Variants in WNT9B observed in about 807,000 individuals in gnomAD.
WNT9B encodes Wnt family member 9B.
A neutral mutation model predicts 30.2 loss-of-function variants in WNT9B; 12 were observed. That is an observed-to-expected ratio of 0.40 (90% CI 0.26 to 0.64). The LOEUF is 0.64. Ranked by LOEUF, WNT9B falls within the 30% of genes least tolerant of loss-of-function variation. WNT9B has a pLI of 0.42. For missense variants in WNT9B, 442 were observed against 485.2 expected (o/e 0.91, Z 0.84); for synonymous variants, 218 against 216.9 (o/e 1.01, Z -0.05).
At chr17:46,846,043 A>G (rs1383571949) in intron 1 of WNT9B, among the ~76,000 whole-genome samples, 3 of 151,774 alleles carry the variant, frequency 2.0e-5, no homozygotes, top group Non-Finnish European at 2.9e-5. Context: ...CACCCACTTC[A>G]GCCTCCCAAA....
At position 46,872,900 on chromosome 17, in the gene WNT9B, T is replaced by C. The variant is rs539921377; in HGVS notation, c.334+127T>C. On this transcript the variant is annotated intron_variant, in intron 2 of 3. Coordinates refer to ENST00000290015, the MANE Select transcript of WNT9B (RefSeq NM_003396.3). ...CCAGGCCACACTGCCCTTCCTGCCC[T>C]AGCACGGTCCCAAATGAGAAGAGTC... The C allele has an allele frequency of 2.6e-6, 3 of 1,162,400 alleles. No individual in the cohort carries two copies. The African/African-American group carries it at 4.7e-5, about 18-fold the overall frequency. The allele number at this position is 1,162,400 out of a possible 1,614,324, so 72.0% of individuals were successfully genotyped here. A position where few individuals can be genotyped will look rare whatever the true frequency, so the allele number is the denominator to read the frequency against.
rs927527965 is a variant in WNT9B, at chr17:46,877,328, T to G, written c.*610T>G. 6.6e-6 allele frequency among the ~76,000 whole-genome samples: 1 copy of G among 152,220 alleles called. No homozygotes were observed. Among genetic ancestry groups the G allele is most frequent in the Non-Finnish European group, 1.5e-5 (1 of 68,032 alleles). On this transcript the variant is annotated 3_prime_UTR_variant, in exon 4 of 4. Transcript: ENST00000290015. ...TCAGAGAAAGGAGAGCTTTCTGTGC[T>G]TGAGTGGACCCGAGTGAGATCTGTG...
chr17:46,878,934 C>T lies in WNT9B; in HGVS notation c.*2216C>T, dbSNP rs1350571330. On this transcript the variant is annotated 3_prime_UTR_variant, in exon 4 of 4. Coordinates refer to ENST00000290015, the MANE Select transcript of WNT9B (RefSeq NM_003396.3). The stretch of plus-strand genomic sequence containing the variant: ...TGGGGTCTTCTCTGTCTGTCTCTCT[C>T]CCTCTCTTCTTCCTTGCTCTCATCC... 6.6e-6 allele frequency among the ~76,000 whole-genome samples: 1 copy of T among 152,162 alleles called. No individual in the cohort carries two copies. Among genetic ancestry groups the T allele is most frequent in the Admixed American group, 6.5e-5 (1 of 15,282 alleles).
chr17:46,852,118 G>T (rs2146542634), intron 1 of WNT9B, among the ~76,000 whole-genome samples: 1 of 152,336 alleles, frequency 6.6e-6, no homozygotes, highest in Middle Eastern at 3.4e-3. Flanking sequence ...CTGGCCTCCG[G>T]CGAGCCGTCC....
chr17:46,879,272 G>A lies in WNT9B; in HGVS notation c.*2554G>A, dbSNP rs945052131. 1.3e-5 allele frequency among the ~76,000 whole-genome samples: 2 copies of A among 152,156 alleles called. No homozygotes were observed. The highest frequency in any genetic ancestry group is 4.8e-5 in the African/African-American group (2 of 41,432). On this transcript the variant is annotated 3_prime_UTR_variant, in exon 4 of 4. Transcript: ENST00000290015. The stretch of plus-strand genomic sequence containing the variant: ...GACCGGGTCCCCCACTGAGCAGGAG[G>A]CCGGGTCGCTGGGAAGGAGGACAAA...
In WNT9B at chr17:46,833,264, C is replaced by T. The variant is rs929275561; in HGVS notation, c.-82C>T. 6 of 459,366 alleles carry T rather than the reference C, an allele frequency of 1.3e-5. No individual in the cohort carries two copies. The East Asian group carries it at 3.2e-4, about 25-fold the overall frequency. The allele number at this position is 459,366 out of a possible 1,614,324, so 28.5% of individuals were successfully genotyped here. A position where few individuals can be genotyped will look rare whatever the true frequency, so the allele number is the denominator to read the frequency against. On this transcript the variant is annotated 5_prime_UTR_variant, in exon 1 of 3. Coordinates refer to the WNT9B transcript ENST00000575372. ...TGAGCCCTGACGCTTCAGCTGAGCT[C>T]CCTGGGTGATGGCTCCTTCCACAAG... is the stretch of plus-strand genomic sequence containing the variant.
chr17:46,841,020 G>C (rs1379654507), intron 1 of WNT9B, among the ~76,000 whole-genome samples: 1 of 152,124 alleles, frequency 6.6e-6, no homozygotes, highest in Admixed American at 6.5e-5. Context: ...CATCACCATG[G>C]AACGCCTTTC....
chr17:46,846,925 T>G (rs1053862462), upstream of WNT9B, among the ~76,000 whole-genome samples: 1 of 152,060 alleles, frequency 6.6e-6, no homozygotes, highest in African/African-American at 2.4e-5. Context: ...TGAGTGAAGG[T>G]CACAGAGGAC....
exon 1 of WNT9B, chr17:46,833,424 C>T (rs1745141090): frequency 1.9e-6 from 1 of 516,878 alleles, no homozygotes; most frequent in Non-Finnish European, 3.9e-6. Flanking sequence ...TACCAGCCCT[C>T]TAAGAAGAAT....
At chr17:46,835,575 C>T (rs1432928694) in intron 1 of WNT9B, among the ~76,000 whole-genome samples, 1 of 152,226 alleles carries the variant, frequency 6.6e-6, no homozygotes, top group African/African-American at 2.4e-5. Context: ...TCACCTCCTC[C>T]AGGAAGCCTC....
rs1309316934 is a variant in WNT9B, at chr17:46,851,657, C to A, written c.19C>A (p.Leu7Met). The change falls in exon 1 of 4, where the codon CTG becomes ATG. Residue 7 changes from leucine to methionine, a missense_variant. Leu to Met is a conservative substitution (Grantham distance 15, BLOSUM62 2). Transcript: ENST00000290015. The surrounding 1 kb of genome is among the most constrained non-coding windows in gnomAD (Gnocchi z 4.3). MRPPPA[L>M]ALAGLCLLAL... is the part of the protein sequence containing the mutation. Reference sequence around the variant, plus strand: ...CAGCACCATGCGCCCCCCGCCCGCGCTGGCCCTGGCCGGGCTCTGCCTGCT... The same window carrying A: ...CAGCACCATGCGCCCCCCGCCCGCGATGGCCCTGGCCGGGCTCTGCCTGCT... The A allele has an allele frequency of 7.7e-7, 1 of 1,294,568 alleles. No individual in the cohort carries two copies. Among genetic ancestry groups the A allele is most frequent in the South Asian group, 2.4e-5 (1 of 41,056 alleles). 80.2% of individuals were successfully genotyped at this position (1,294,568 alleles called of 1,614,324 possible).
intron 1 of WNT9B, among the ~76,000 whole-genome samples, chr17:46,839,363 C>T (rs997059614): frequency 4.6e-5 from 7 of 152,168 alleles, no homozygotes; most frequent in African/African-American, 1.7e-4. Flanking sequence ...CACTCTTAGC[C>T]CCTGGCGGGT....
In WNT9B at chr17:46,876,529, G is replaced by C; in HGVS notation, c.885G>C (p.Lys295Asn). 1.2e-6 allele frequency: 2 copies of C among 1,613,680 alleles called. No individual in the cohort carries two copies. The highest frequency in any genetic ancestry group is 1.7e-6 in the Non-Finnish European group (2 of 1,180,026). The change falls in exon 4 of 4, where the codon AAG (lysine) becomes AAC (asparagine). Residue 295 changes from lysine to asparagine, a missense_variant. Physicochemically the swap from Lys to Asn is moderately conservative, Grantham distance 94 (BLOSUM62 0). Coordinates refer to ENST00000290015, the MANE Select transcript of WNT9B (RefSeq NM_003396.3). ...EDSPSFCRPS[K>N]YSPGTAGRVC... Reference sequence around the variant, plus strand: ...CACCCAGCTTCTGCCGGCCCAGCAAGTACTCACCTGGCACAGCAGGTAGGG... The same window carrying C: ...CACCCAGCTTCTGCCGGCCCAGCAACTACTCACCTGGCACAGCAGGTAGGG...
At chr17:46,839,877 T>C (rs2084678905) in intron 1 of WNT9B, among the ~76,000 whole-genome samples, 1 of 152,198 alleles carries the variant, frequency 6.6e-6, no homozygotes, top group Non-Finnish European at 1.5e-5. Context: ...CATGGCTGCA[T>C]AGTAGTCCAT....
At chr17:46,843,794 A>C (rs2084742716) in intron 1 of WNT9B, among the ~76,000 whole-genome samples, 1 of 152,200 alleles carries the variant, frequency 6.6e-6, no homozygotes, top group African/African-American at 2.4e-5. Flanking sequence ...ACTTATATAG[A>C]TATGTCAGAA....
At chr17:46,874,163 G>A (rs1344065699) in intron 2 of WNT9B, among the ~76,000 whole-genome samples, 2 of 152,030 alleles carry the variant, frequency 1.3e-5, no homozygotes, top group Middle Eastern at 3.2e-3. Context: ...GCTGGTGGGA[G>A]GCCAGGTTTG....
chr17:46,852,758 G>A (rs1266292502), intron 1 of WNT9B, among the ~76,000 whole-genome samples: 1 of 152,122 alleles, frequency 6.6e-6, no homozygotes, highest in Non-Finnish European at 1.5e-5. Flanking sequence ...TACAGTCTGA[G>A]TATATACAGC....
chr17:46,871,083 C>T (rs557840576), intron 1 of WNT9B, among the ~76,000 whole-genome samples: 2 of 151,670 alleles, frequency 1.3e-5, no homozygotes, highest in Non-Finnish European at 1.5e-5. Context: ...CATAATTTTT[C>T]TATTTTTAGT....
chr17:46,842,144 G>A (rs371397168), intron 1 of WNT9B, among the ~76,000 whole-genome samples: 1 of 152,248 alleles, frequency 6.6e-6, no homozygotes, highest in Non-Finnish European at 1.5e-5. Flanking sequence ...TGGGATTAAA[G>A]GCTTGGGAAG....
Sources: gnomAD v4.1 joint callset for allele counts (sites outside exome capture counted in the v4.1 genomes callset) on GRCh38, gnomAD v4.1.1 for gene constraint, Gnocchi (gnomAD v3.1) non-coding constraint, MANE v1.5 for transcripts, NCBI Gene and HGNC (gene_info 2026-07-23, HGNC 2026-07-21) for gene names.